SLC44A5: variants seen among roughly 807,000 people sequenced by gnomAD.
The protein encoded by SLC44A5 is solute carrier family 44 member 5.
SLC44A5 carries 57 observed loss-of-function variants against 101.8 expected under a neutral mutation model. The observed-to-expected ratio is 0.56, with a 90% CI of 0.45 to 0.70. The LOEUF is 0.70. Ranked by LOEUF, SLC44A5 falls within the 30% of genes least tolerant of loss-of-function variation. SLC44A5 has a pLI of 0.00. For synonymous variants in SLC44A5, 281 were observed against 290.9 expected, an observed-to-expected ratio of 0.97 and a Z score of 0.35; for missense variants, 737 against 853.1, an observed-to-expected ratio of 0.86 and a Z score of 1.70.
At chr1:75,610,566 T>A (rs1334439112) in intron 1 of SLC44A5, among the ~76,000 whole-genome samples, 2 of 152,090 alleles carry the variant, frequency 1.3e-5, no homozygotes, top group African/African-American at 4.8e-5. Flanking sequence ...GAAGCCATAG[T>A]GTATGTCTTT....
chr1:75,205,829 A>G (rs1312443930), intron 23 of SLC44A5: 3 of 152,204 alleles, frequency 2.0e-5, no homozygotes, highest in Non-Finnish European at 4.4e-5. Flanking sequence ...TAGTGGGAAT[A>G]AGAAATTTGG....
At chr1:75,434,197 T>G (rs1285672918) in intron 2 of SLC44A5, among the ~76,000 whole-genome samples, 1 of 152,124 alleles carries the variant, frequency 6.6e-6, no homozygotes, top group African/African-American at 2.4e-5. Context: ...GAAACTTGAG[T>G]GATTTTTAAG....
intron 2 of SLC44A5, among the ~76,000 whole-genome samples, chr1:75,500,131 T>C (rs956115852): frequency 4.6e-5 from 7 of 152,186 alleles, no homozygotes; most frequent in Non-Finnish European, 5.9e-5. Flanking sequence ...AAGTATACCA[T>C]TGTGAACCCA....
chr1:75,407,017 G>C (rs780828372), intron 2 of SLC44A5, among the ~76,000 whole-genome samples: 5 of 152,048 alleles, frequency 3.3e-5, no homozygotes, highest in African/African-American at 4.8e-5. Context: ...AAAGTCTCAG[G>C]ATACAAAATC....
intron 2 of SLC44A5, among the ~76,000 whole-genome samples, chr1:75,486,277 G>T (rs1430900732): frequency 6.6e-6 from 1 of 152,056 alleles, no homozygotes; most frequent in Non-Finnish European, 1.5e-5. Context: ...TCACACCTAA[G>T]TTAATGAAGT....
intron 2 of SLC44A5, among the ~76,000 whole-genome samples, chr1:75,489,607 T>C (rs568302030): frequency 6.6e-6 from 1 of 152,354 alleles, no homozygotes; most frequent in East Asian, 1.9e-4. Flanking sequence ...TGGAATGGCC[T>C]GCCTTTGTTA....
chr1:75,611,446 T>C (rs1381522696), upstream of SLC44A5, among the ~76,000 whole-genome samples: 2 of 152,130 alleles, frequency 1.3e-5, no homozygotes, highest in Middle Eastern at 3.2e-3. Flanking sequence ...ATATACCCCA[T>C]ATCCCACTTA....
chr1:75,721,948 CTCT>C, the SLC44A5 span, among the ~76,000 whole-genome samples: 2 of 152,140 alleles, frequency 1.3e-5, no homozygotes, highest in African/African-American at 2.4e-5. Flanking sequence ...TGTAAATATT[CTCT>C]GGACCTTAAA....
chr1:75,402,989 G>A (rs983128070), intron 2 of SLC44A5, among the ~76,000 whole-genome samples: 8 of 152,138 alleles, frequency 5.3e-5, no homozygotes, highest in Non-Finnish European at 1.2e-4. Flanking sequence ...AGTCAACCTG[G>A]GACACTTGAG....
intron 1 of SLC44A5, among the ~76,000 whole-genome samples, chr1:75,589,654 G>T (rs1219572025): frequency 6.6e-6 from 1 of 152,130 alleles, no homozygotes; most frequent in African/African-American, 2.4e-5. Flanking sequence ...ACAGAAAGTG[G>T]CACTAAAGAG....
chr1:75,511,556 AAATTT>A (rs1669573599), intron 2 of SLC44A5, among the ~76,000 whole-genome samples: 1 of 152,196 alleles, frequency 6.6e-6, no homozygotes, highest in South Asian at 2.1e-4. Flanking sequence ...ATCATCTATT[AAATTT>A]ATTTTAATAT....
At chr1:75,608,191 AAAACAAAAAAC>A (rs1319504522) in intron 1 of SLC44A5, among the ~76,000 whole-genome samples, 1 of 143,898 alleles carries the variant, frequency 6.9e-6, no homozygotes, top group Non-Finnish European at 1.5e-5. Flanking sequence ...AAAACAAAAC[AAAACAAAAAAC>A]AAAAAAAAAC....
At chr1:75,620,231 A>G in the SLC44A5 span, among the ~76,000 whole-genome samples, 1 of 152,068 alleles carries the variant, frequency 6.6e-6, no homozygotes, top group Non-Finnish European at 1.5e-5. Flanking sequence ...CCAGTCTATC[A>G]CTGTTGGGCC....
intron 2 of SLC44A5, among the ~76,000 whole-genome samples, chr1:75,462,909 G>A (rs1304380419): frequency 6.6e-6 from 1 of 152,086 alleles, no homozygotes; most frequent in Non-Finnish European, 1.5e-5. Flanking sequence ...ATAGCTTCAA[G>A]AGGGCAAATC....
At chr1:75,698,531 G>A in the SLC44A5 span, among the ~76,000 whole-genome samples, 1 of 152,214 alleles carries the variant, frequency 6.6e-6, no homozygotes, top group Non-Finnish European at 1.5e-5. Flanking sequence ...ACCAAAACTA[G>A]ATAAAACCAC....
At chr1:75,293,560 C>T (rs1653736853) in intron 5 of SLC44A5, among the ~76,000 whole-genome samples, 1 of 152,130 alleles carries the variant, frequency 6.6e-6, no homozygotes, top group South Asian at 2.1e-4. Context: ...TTAACACAAG[C>T]AATTTACAAA....
chr1:75,318,227 A>G (rs925000777), intron 4 of SLC44A5, among the ~76,000 whole-genome samples: 6 of 152,020 alleles, frequency 3.9e-5, no homozygotes, highest in African/African-American at 1.4e-4. Flanking sequence ...AAATAAAAAC[A>G]TTAGTCACAC....
intron 3 of SLC44A5, among the ~76,000 whole-genome samples, chr1:75,377,004 C>G (rs1205011288): frequency 1.3e-5 from 2 of 152,090 alleles, no homozygotes; most frequent in East Asian, 1.9e-4. Context: ...AGCTGAAAAC[C>G]AAGGCTCGAG....
At chr1:75,638,724 CA>C in the SLC44A5 span, among the ~76,000 whole-genome samples, 3 of 151,964 alleles carry the variant, frequency 2.0e-5, no homozygotes, top group Non-Finnish European at 4.4e-5. Context: ...TGCCCATGGA[CA>C]AAAAACAAAA....
Sources: gnomAD v4.1 joint callset for allele counts (sites outside exome capture counted in the v4.1 genomes callset) on GRCh38, gnomAD v4.1.1 for gene constraint, MANE v1.5 for transcripts, NCBI Gene and HGNC (gene_info 2026-07-23, HGNC 2026-07-21) for gene names.